EFCAB5: variants seen among roughly 807,000 people sequenced by gnomAD.
EFCAB5 encodes EF-hand calcium binding domain 5.
Under a neutral mutation model 167.9 loss-of-function variants are expected in EFCAB5, and 131 were observed. The observed-to-expected ratio is 0.78, with a 90% CI of 0.68 to 0.90. EFCAB5 has a LOEUF of 0.90. Among genes scored for constraint, EFCAB5 ranks in the 40% least tolerant of loss-of-function variants. EFCAB5 has a pLI of 0.00. For synonymous variants in EFCAB5, 574 were observed against 602.8 expected (o/e 0.95, Z 0.70); for missense variants, 1,663 against 1,745.2 (o/e 0.95, Z 0.84).
At chr17:30,073,649 G>A (rs1432087314) in intron 14 of EFCAB5, 3 of 712,968 alleles carry the variant, frequency 4.2e-6, no homozygotes, top group Admixed American at 2.0e-5. Context: ...TGCCCGTAGG[G>A]AAAGAAGGAA....
chr17:30,059,274 A>T (rs1033040495), intron 13 of EFCAB5: 56 of 218,792 alleles, frequency 2.6e-4, no homozygotes, highest in African/African-American at 8.0e-4. Context: ...TTTAAAAAAA[A>T]TTTTTTTTAA....
At chr17:30,063,005 AAACTGAGCTGCTACAC>A (rs1438982145) in intron 14 of EFCAB5, among the ~76,000 whole-genome samples, 2 of 152,182 alleles carry the variant, frequency 1.3e-5, no homozygotes, top group African/African-American at 2.4e-5. Context: ...TACCCTGGCC[AAACTGAGCTGCTACAC>A]ATCCCAGTGC....
intron 7 of EFCAB5, among the ~76,000 whole-genome samples, chr17:30,024,331 A>T (rs1311907174): frequency 2.6e-5 from 4 of 152,208 alleles, no homozygotes; most frequent in African/African-American, 4.8e-5. Flanking sequence ...AACTTCAGCG[A>T]AGTCTCAGGA....
chr17:29,944,902 T>G (rs2067368427), intron 3 of EFCAB5, among the ~76,000 whole-genome samples: 1 of 152,114 alleles, frequency 6.6e-6, no homozygotes, highest in Non-Finnish European at 1.5e-5. Flanking sequence ...GGATTACAAG[T>G]ATGAGCCACT....
intron 4 of EFCAB5, among the ~76,000 whole-genome samples, chr17:29,979,221 A>G (rs2068122743): frequency 6.6e-6 from 1 of 152,104 alleles, no homozygotes; most frequent in African/African-American, 2.4e-5. Flanking sequence ...GTGGTGGCAC[A>G]CACCTGTAGT....
chr17:30,008,657 T>G (rs2068827300), intron 7 of EFCAB5, among the ~76,000 whole-genome samples: 1 of 152,050 alleles, frequency 6.6e-6, no homozygotes, highest in South Asian at 2.1e-4. Context: ...CTCTTAAGCT[T>G]TATGAGTTTA....
intron 3 of EFCAB5, among the ~76,000 whole-genome samples, chr17:29,949,663 G>A (rs1030646088): frequency 2.0e-5 from 3 of 152,218 alleles, no homozygotes; most frequent in African/African-American, 7.2e-5. Flanking sequence ...GAATTCAGAG[G>A]TCACTCAGTC....
chr17:30,034,962 A>G lies in EFCAB5; in HGVS notation c.1200+577A>G, dbSNP rs1171366633. On this transcript the variant is annotated intron_variant, in intron 8 of 22. Coordinates refer to ENST00000394835, the MANE Select transcript of EFCAB5 (RefSeq NM_198529.4). ...TTATGTGCTGAAGTCAAAATCTTTC[A>G]TGATGGGCTTGTAATAAATTAAACA... Among the ~76,000 whole-genome samples the G allele has an allele frequency of 2.0e-5, 3 of 152,236 alleles. No individual in the cohort carries two copies. In the East Asian group the frequency reaches 5.8e-4, roughly 29 times the overall value.
At chr17:29,938,384 T>C (rs1196809374), upstream of EFCAB5, among the ~76,000 whole-genome samples, 2 of 152,236 alleles carry the variant, frequency 1.3e-5, no homozygotes, top group Non-Finnish European at 2.9e-5. Context: ...CTTGCCTCGA[T>C]GTTGATAGAT....
At chr17:30,022,474 A>C (rs1221703156) in intron 7 of EFCAB5, among the ~76,000 whole-genome samples, 3 of 152,122 alleles carry the variant, frequency 2.0e-5, no homozygotes, top group Non-Finnish European at 4.4e-5. Context: ...AACAGACGGC[A>C]ATGAACAGAT....
chr17:30,012,668 C>T (rs1257052984), intron 7 of EFCAB5, among the ~76,000 whole-genome samples: 2 of 152,086 alleles, frequency 1.3e-5, no homozygotes, highest in Non-Finnish European at 2.9e-5. Context: ...GGTAGTGGTC[C>T]CCCGGGCCCA....
intron 4 of EFCAB5, among the ~76,000 whole-genome samples, chr17:29,969,649 T>C (rs2067909194): frequency 6.6e-6 from 1 of 152,202 alleles, no homozygotes; most frequent in South Asian, 2.1e-4. Context: ...AAGTAAGCTA[T>C]ATGAAAGTTG....
intron 1 of EFCAB5, 125 bp downstream of exon 1, chr17:29,941,963 G>C: frequency 9.0e-7 from 1 of 1,110,562 alleles, no homozygotes; most frequent in Non-Finnish European, 1.3e-6. Context: ...GAAGTATTCT[G>C]CATCAGGTTT....
chr17:30,083,013 T>C lies in EFCAB5; in HGVS notation c.3549T>C (p.Thr1183=). ...YDVTSSITSI[T]TYFVEPSPAQ... is the part of the protein sequence containing the mutation. ...TCACATCCAGCATCACCTCCATCAC[T>C]ACGTACTTTGTAGAGCCTAGCCCAG... The change falls in exon 18 of 23, where the codon ACT becomes ACC. Residue 1183 remains threonine (T), a synonymous_variant. Coordinates refer to ENST00000394835, the MANE Select transcript of EFCAB5 (RefSeq NM_198529.4). 1 of 1,613,980 alleles carries C rather than the reference T, an allele frequency of 6.2e-7. No individual in the cohort carries two copies. Among genetic ancestry groups the C allele is most frequent in the Non-Finnish European group, 8.5e-7 (1 of 1,179,870 alleles).
At chr17:30,028,993 TC>T (rs1214230468) in intron 7 of EFCAB5, among the ~76,000 whole-genome samples, 17 of 152,328 alleles carry the variant, frequency 1.1e-4, no homozygotes, top group African/African-American at 4.1e-4. Flanking sequence ...GGTTAGGCTG[TC>T]AACATATTAA....
chr17:29,945,343 C>G (rs937171397), intron 3 of EFCAB5, among the ~76,000 whole-genome samples: 1 of 151,184 alleles, frequency 6.6e-6, no homozygotes, highest in Non-Finnish European at 1.5e-5. Context: ...GTGTTCTTCT[C>G]TCTTTTTAAA....
intron 8 of EFCAB5, among the ~76,000 whole-genome samples, chr17:30,046,755 T>C (rs1351632560): frequency 1.3e-5 from 2 of 152,208 alleles, no homozygotes; most frequent in Admixed American, 6.5e-5. Context: ...AGCTTTTCTT[T>C]CCTTAGAGAT....
chr17:29,959,408 A>G (rs1266175172), intron 3 of EFCAB5, among the ~76,000 whole-genome samples: 2 of 151,854 alleles, frequency 1.3e-5, no homozygotes, highest in Non-Finnish European at 2.9e-5. Flanking sequence ...AAGCAGAAGG[A>G]GTCTTTTCCA....
intron 2 of EFCAB5, 124 bp downstream of exon 2, chr17:29,942,426 G>A (rs898217754): frequency 2.4e-6 from 2 of 840,256 alleles, no homozygotes; most frequent in Non-Finnish European, 3.5e-6. Context: ...AAAGGAAAAG[G>A]ACAAACTCAT....
Sources: allele counts gnomAD v4.1 joint callset (sites outside exome capture counted in the v4.1 genomes callset), GRCh38; gene constraint gnomAD v4.1.1; transcripts MANE v1.5; gene names NCBI Gene and HGNC (gene_info 2026-07-23, HGNC 2026-07-21).